Variants in GRM5 observed in about 807,000 individuals in gnomAD.
GRM5 encodes metabotropic glutamate receptor 5.
In GRM5, 19 loss-of-function variants were observed where a neutral mutation model predicts 83.1. The observed-to-expected ratio is 0.23, with a 90% CI of 0.16 to 0.34. GRM5 has a LOEUF of 0.34. Ranked by LOEUF, GRM5 falls within the 10% of genes least tolerant of loss-of-function variation. The pLI is 1.00. For synonymous variants in GRM5, 675 were observed against 633.6 expected, an observed-to-expected ratio of 1.07 and a Z score of -0.98; for missense variants, 1,160 against 1,588.3, an observed-to-expected ratio of 0.73 and a Z score of 4.58.
At chr11:88,834,288 T>TA (rs533265513) in intron 3 of GRM5, among the ~76,000 whole-genome samples, 4 of 151,272 alleles carry the variant, frequency 2.6e-5, no homozygotes, top group South Asian at 4.2e-4. Flanking sequence ...TTACTTTTTG[T>TA]AAAAAAATTG....
chr11:88,991,855 A>G (rs1361037828), intron 2 of GRM5, among the ~76,000 whole-genome samples: 1 of 152,114 alleles, frequency 6.6e-6, no homozygotes, highest in Non-Finnish European at 1.5e-5. Flanking sequence ...CTTATACAAA[A>G]ATCAATTCAA....
At chr11:88,787,003 C>T (rs573227180) in intron 3 of GRM5, among the ~76,000 whole-genome samples, 2 of 152,040 alleles carry the variant, frequency 1.3e-5, no homozygotes, top group East Asian at 3.9e-4. Context: ...TTGAAGATGG[C>T]TGTTAGGTGG....
chr11:88,991,651 G>C (rs1443847914), intron 2 of GRM5, among the ~76,000 whole-genome samples: 1 of 150,228 alleles, frequency 6.7e-6, no homozygotes, highest in Admixed American at 6.7e-5. Context: ...CATGGTACTG[G>C]TACCAAAACA....
At chr11:88,971,552 G>A (rs1403823259) in intron 2 of GRM5, among the ~76,000 whole-genome samples, 1 of 152,040 alleles carries the variant, frequency 6.6e-6, no homozygotes, top group Non-Finnish European at 1.5e-5. Context: ...CTATTCCTGT[G>A]TTAGTCCACT....
intron 2 of GRM5, among the ~76,000 whole-genome samples, chr11:88,995,463 T>G (rs1330240041): frequency 6.9e-6 from 1 of 145,230 alleles, no homozygotes; most frequent in Non-Finnish European, 1.5e-5. Flanking sequence ...AAGAATCACT[T>G]GAACCCGGGA....
At chr11:89,008,284 A>T (rs1940586652) in intron 2 of GRM5, among the ~76,000 whole-genome samples, 1 of 152,168 alleles carries the variant, frequency 6.6e-6, no homozygotes, top group Non-Finnish European at 1.5e-5. Flanking sequence ...CCAAAATAAA[A>T]GACATGGTTA....
At chr11:88,628,519 T>C (rs1438160846) in intron 4 of GRM5, among the ~76,000 whole-genome samples, 1 of 152,224 alleles carries the variant, frequency 6.6e-6, no homozygotes, top group Non-Finnish European at 1.5e-5. Flanking sequence ...CAGTAAAATG[T>C]TTTCCAAGCA....
At chr11:88,818,698 A>T (rs544390016) in intron 3 of GRM5, among the ~76,000 whole-genome samples, 6 of 152,224 alleles carry the variant, frequency 3.9e-5, no homozygotes, top group Non-Finnish European at 8.8e-5. Flanking sequence ...GCTCTAATAA[A>T]GTAGTTCATT....
At chr11:88,906,675 C>T (rs1945408829) in intron 2 of GRM5, among the ~76,000 whole-genome samples, 1 of 152,126 alleles carries the variant, frequency 6.6e-6, no homozygotes, top group Admixed American at 6.5e-5. Flanking sequence ...CAATACTCAA[C>T]AGAGAGTTGG....
At position 88,551,983 on chromosome 11, in the gene GRM5, A is replaced by G. The variant is rs376335436; in HGVS notation, c.2630+15070T>C. ...TATGTTTTTAAAATCTAGCATCAAC[A>G]TTCTAGGAAACAGCTACAGCTCATT... On this transcript the variant is annotated intron_variant, in intron 8 of 9. Transcript: ENST00000305447. Among the ~76,000 whole-genome samples the G allele has an allele frequency of 3.4e-4, 52 of 151,466 alleles. No individual in the cohort carries two copies. In the South Asian group the frequency reaches 0.01, roughly 30 times the overall value.
chr11:88,744,183 A>G (rs1565210732), intron 3 of GRM5, among the ~76,000 whole-genome samples: 1 of 152,146 alleles, frequency 6.6e-6, no homozygotes. Context: ...TGGAAAGCCA[A>G]ATGAGAGCAA....
At chr11:88,728,704 G>T (rs1329501636) in intron 3 of GRM5, among the ~76,000 whole-genome samples, 1 of 152,134 alleles carries the variant, frequency 6.6e-6, no homozygotes, top group African/African-American at 2.4e-5. Flanking sequence ...TCCCTGGGAT[G>T]CAAGGCTGGT....
chr11:88,756,277 A>G (rs1397159288), intron 3 of GRM5, among the ~76,000 whole-genome samples: 1 of 152,178 alleles, frequency 6.6e-6, no homozygotes, highest in African/African-American at 2.4e-5. Flanking sequence ...TCAATACTCA[A>G]ATTTACAGAT....
intron 2 of GRM5, among the ~76,000 whole-genome samples, chr11:88,969,512 G>A (rs1939100603): frequency 6.6e-6 from 1 of 152,004 alleles, no homozygotes; most frequent in African/African-American, 2.4e-5. Flanking sequence ...CTCCTATTAA[G>A]AAAATGCTCC....
intron 2 of GRM5, among the ~76,000 whole-genome samples, chr11:88,854,134 A>T (rs1944432955): frequency 6.6e-6 from 1 of 151,044 alleles, no homozygotes. Flanking sequence ...AAAAAGAAAA[A>T]TTTCTGCCAT....
intron 3 of GRM5, among the ~76,000 whole-genome samples, chr11:88,726,099 G>A (rs1227392696): frequency 6.6e-6 from 1 of 152,106 alleles, no homozygotes; most frequent in Non-Finnish European, 1.5e-5. Flanking sequence ...CTGAGCTAAA[G>A]GAGCATGTTC....
At position 88,610,935 on chromosome 11, in the gene GRM5, T is replaced by C. The variant is rs144221957; in HGVS notation, c.1148-5971A>G. On this transcript the variant is annotated intron_variant, in intron 4 of 9. Coordinates refer to ENST00000305447, the MANE Select transcript of GRM5 (RefSeq NM_001143831.3). ...TCAGAGTTTTTAACATGAAGGGATA[T>C]TGAATTTTATGGAAGGCTTTTTCTG... 7.9e-5 allele frequency among the ~76,000 whole-genome samples: 12 copies of C among 152,338 alleles called. No individual in the cohort carries two copies. In the East Asian group the frequency reaches 2.3e-3, roughly 29 times the overall value.
At chr11:88,933,735 CAT>C (rs773007176) in intron 2 of GRM5, among the ~76,000 whole-genome samples, 18 of 151,820 alleles carry the variant, frequency 1.2e-4, no homozygotes, top group African/African-American at 2.7e-4. Context: ...AGAAATCACA[CAT>C]GTTTGAGAAT....
At chr11:88,940,969 GCA>G (rs1210800274) in intron 2 of GRM5, among the ~76,000 whole-genome samples, 2 of 151,832 alleles carry the variant, frequency 1.3e-5, no homozygotes, top group Non-Finnish European at 2.9e-5. Context: ...AAGTGCATAC[GCA>G]CAGTTTTCCC....
Sources: gnomAD v4.1 joint callset for allele counts (sites outside exome capture counted in the v4.1 genomes callset) on GRCh38, gnomAD v4.1.1 for gene constraint, MANE v1.5 for transcripts, NCBI Gene and HGNC (gene_info 2026-07-23, HGNC 2026-07-21) for gene names.